CCDC7: variants seen among roughly 807,000 people sequenced by gnomAD.
The protein encoded by CCDC7 is coiled-coil domain-containing protein 7.
In CCDC7, 183 loss-of-function variants were observed where a neutral mutation model predicts 196.9. That is an observed-to-expected ratio of 0.93 (90% CI 0.82 to 1.05). The LOEUF (loss-of-function observed/expected upper bound fraction) is 1.05, where lower values mean the gene tolerates loss of function less well. Ranked by LOEUF, CCDC7 falls within the 50% of genes least tolerant of loss-of-function variation. CCDC7 has a pLI of 0.00. For synonymous variants in CCDC7, 525 were observed against 484.6 expected, an observed-to-expected ratio of 1.08 and a Z score of -1.10; for missense variants, 1,540 against 1,482.2, an observed-to-expected ratio of 1.04 and a Z score of -0.64.
In CCDC7 at chr10:32,804,588, G is replaced by GA. The variant is rs561762701; in HGVS notation, c.3014-420dup. Among the ~76,000 whole-genome samples, 973 of 152,116 alleles carry GA rather than the reference G, an allele frequency of 6.4e-3. 15 individuals carry two copies. The highest frequency in any genetic ancestry group is 0.023 in the African/African-American group (935 of 41,512). On this transcript the variant is annotated intron_variant, in intron 29 of 41. Transcript: ENST00000639629. ...ATCATTGTTTTCAAGTTGCTAGGTG[G>GA]AAAAAAAGTTATGTTTCGTCTTACC... is the stretch of plus-strand genomic sequence containing the variant.
chr10:32,619,957 C>G (rs921775254), intron 18 of CCDC7, among the ~76,000 whole-genome samples: 1 of 126,026 alleles, frequency 7.9e-6, no homozygotes, highest in Non-Finnish European at 1.6e-5. Flanking sequence ...GAGTCTTGCC[C>G]TGTCACCCAG....
chr10:32,472,828 T>C (rs746199459), intron 7 of CCDC7, among the ~76,000 whole-genome samples: 22 of 152,022 alleles, frequency 1.4e-4, no homozygotes, highest in Non-Finnish European at 2.6e-4. Context: ...ACTTCTGGCC[T>C]CAAGTGATCC....
At chr10:32,701,809 G>A (rs1322970804) in intron 24 of CCDC7, among the ~76,000 whole-genome samples, 1 of 152,082 alleles carries the variant, frequency 6.6e-6, no homozygotes, top group African/African-American at 2.4e-5. Context: ...TTGCATAGAG[G>A]TGTTTATAGT....
At chr10:32,823,895 A>C (rs1362684184) in intron 31 of CCDC7, among the ~76,000 whole-genome samples, 2 of 152,212 alleles carry the variant, frequency 1.3e-5, no homozygotes. Flanking sequence ...TGCTAAAAGA[A>C]CCAGAGAGAA....
chr10:32,514,485 C>T (rs545574742), intron 9 of CCDC7: 1 of 152,314 alleles, frequency 6.6e-6, no homozygotes, highest in East Asian at 1.9e-4. Flanking sequence ...ATGGTGGTTT[C>T]CTTCCCCAGA....
At chr10:32,705,696 C>A (rs868391495) in intron 24 of CCDC7, among the ~76,000 whole-genome samples, 21 of 151,998 alleles carry the variant, frequency 1.4e-4, no homozygotes, top group Non-Finnish European at 2.5e-4. Flanking sequence ...AGACTTTAAA[C>A]CAACAAAGAT....
intron 28 of CCDC7, among the ~76,000 whole-genome samples, chr10:32,765,670 T>G (rs1250195229): frequency 1.3e-5 from 2 of 152,026 alleles, no homozygotes; most frequent in Non-Finnish European, 2.9e-5. Context: ...ATGTAGAGGT[T>G]GTGATTTCAA....
At position 32,848,718 on chromosome 10, in the gene CCDC7, G is replaced by T. The variant is rs776945679; in HGVS notation, c.3895G>T (p.Glu1299Ter). The T allele has an allele frequency of 6.5e-7, 1 of 1,535,410 alleles. No homozygotes were observed. The highest frequency in any genetic ancestry group is 1.4e-5 in the African/African-American group (1 of 73,396). The change falls in exon 39 of 42, where the codon GAG becomes TAG. Residue 1299 changes from glutamate (E) to a stop codon, truncating the protein, a stop_gained and splice_region_variant. Coordinates refer to ENST00000639629, the Ensembl canonical transcript of CCDC7. LOFTEE classifies it high-confidence loss of function. ...CAATTTATCACCCTTTGAAAATAAAGGTAAAGAATTATGTATGTAGATATG... is the reference window on the plus strand; with the variant it reads ...CAATTTATCACCCTTTGAAAATAAATGTAAAGAATTATGTATGTAGATATG...
At chr10:32,644,512 GC>G (rs2067406529) in intron 20 of CCDC7, among the ~76,000 whole-genome samples, 1 of 152,134 alleles carries the variant, frequency 6.6e-6, no homozygotes, top group Non-Finnish European at 1.5e-5. Context: ...CCATGTTGTT[GC>G]AAATGACAGG....
At chr10:32,482,617 T>A (rs528096758) in intron 8 of CCDC7, among the ~76,000 whole-genome samples, 2 of 152,184 alleles carry the variant, frequency 1.3e-5, no homozygotes, top group Non-Finnish European at 2.9e-5. Context: ...CATTTAACAT[T>A]AGGTATATCT....
intron 13 of CCDC7, among the ~76,000 whole-genome samples, chr10:32,555,928 A>G (rs1053367952): frequency 6.6e-6 from 1 of 152,184 alleles, no homozygotes; most frequent in African/African-American, 2.4e-5. Context: ...CTAGTCTCTT[A>G]TCTTCCAGGA....
At chr10:32,703,646 G>A (rs1408256523) in intron 24 of CCDC7, among the ~76,000 whole-genome samples, 1 of 152,028 alleles carries the variant, frequency 6.6e-6, no homozygotes, top group African/African-American at 2.4e-5. Flanking sequence ...TCACTTTAAG[G>A]TACACCAATC....
intron 13 of CCDC7, 150 bp downstream of exon 14, chr10:32,544,451 T>G: frequency 1.5e-6 from 1 of 651,768 alleles, no homozygotes; most frequent in South Asian, 5.8e-5. Flanking sequence ...CTAAAATTCT[T>G]CCTGAGATAA....
chr10:32,738,711 C>T (rs574629415), intron 28 of CCDC7, among the ~76,000 whole-genome samples: 5 of 151,758 alleles, frequency 3.3e-5, no homozygotes, highest in Non-Finnish European at 5.9e-5. Flanking sequence ...TGAGCTCAAG[C>T]AATCCATCTG....
At position 32,518,196 on chromosome 10, in the gene CCDC7, A is replaced by G. The variant is rs115824842; in HGVS notation, c.904-220A>G. On this transcript the variant is annotated intron_variant, in intron 10 of 41. Transcript: ENST00000639629. The stretch of plus-strand genomic sequence containing the variant: ...CTCTTCACTTCTGAAATACTAAACT[A>G]TAATATCCTACAGTCATCTGAATAG... 8.4e-3 allele frequency among the ~76,000 whole-genome samples: 1,279 copies of G among 152,252 alleles called. 28 individuals are homozygous for G. The highest frequency in any genetic ancestry group is 0.028 in the African/African-American group (1,177 of 41,560).
intron 11 of CCDC7, among the ~76,000 whole-genome samples, chr10:32,521,832 G>A (rs2047926666): frequency 1.3e-5 from 2 of 152,092 alleles, no homozygotes; most frequent in African/African-American, 2.4e-5. Context: ...AACTGGCTGT[G>A]GGTTTATCAT....
Position 32,697,954 on chromosome 10 carries a change from G to A in CCDC7, c.2458+2962G>A, listed in dbSNP as rs953552296. ...TGACTAACACCACAAACAGCTGGCA[G>A]CCCCTTTGAGACAAAGCTTCCAGAG... On this transcript the variant is annotated intron_variant, in intron 24 of 41. Transcript: ENST00000639629. Among the ~76,000 whole-genome samples, 3 of 152,154 alleles carry A rather than the reference G, an allele frequency of 2.0e-5. No homozygotes were observed. In the South Asian group the frequency reaches 6.2e-4, roughly 32 times the overall value.
intron 20 of CCDC7, among the ~76,000 whole-genome samples, chr10:32,657,860 G>A (rs1481552438): frequency 6.6e-6 from 1 of 152,110 alleles, no homozygotes; most frequent in African/African-American, 2.4e-5. Flanking sequence ...TGAACACTTT[G>A]CTGCTTAGAA....
intron 33 of CCDC7, among the ~76,000 whole-genome samples, chr10:32,841,599 AC>A (rs2092974493): frequency 6.6e-6 from 1 of 152,126 alleles, no homozygotes; most frequent in African/African-American, 2.4e-5. Context: ...TCTTCACAGA[AC>A]TAGAAAAAAC....
Sources: gnomAD v4.1 joint callset for allele counts (sites outside exome capture counted in the v4.1 genomes callset) on GRCh38, gnomAD v4.1.1 for gene constraint, MANE v1.5 for transcripts, NCBI Gene and HGNC (gene_info 2026-07-23, HGNC 2026-07-21) for gene names.